The following RXFP1 variants were observed in gnomAD, a reference collection of about 807,000 sequenced individuals.
RXFP1 encodes the protein relaxin family peptide receptor 1, also known as relaxin receptor 1.
In RXFP1, 73 loss-of-function variants were observed where a neutral mutation model predicts 89.8. The observed-to-expected ratio is 0.81, with a 90% CI of 0.67 to 0.99. The LOEUF (loss-of-function observed/expected upper bound fraction) is 0.99, where lower values mean the gene tolerates loss of function less well. RXFP1 is among the 50% of genes least tolerant of loss of function. The probability of loss-of-function intolerance (pLI) is 0.00; values close to 1 mark genes in which losing one functional copy is unlikely to be tolerated. For missense variants in RXFP1, 793 were observed against 895.5 expected (o/e 0.89, Z 1.46); for synonymous variants, 277 against 305.5 (o/e 0.91, Z 0.97).
In RXFP1 at chr4:158,545,830, C is replaced by T. The variant is rs1190844025; in HGVS notation, c.49+23805C>T. Among the ~76,000 whole-genome samples the T allele has an allele frequency of 7.2e-5, 11 of 152,260 alleles. No individual in the cohort carries two copies. The East Asian group carries it at 7.7e-4, about 11-fold the overall frequency. ...CTATATCTCTGTTTTGGTACCAGTG[C>T]CATGCTGTTTTGGTTACTGTAGCCT... On this transcript the variant is annotated intron_variant, in intron 1 of 17. Coordinates refer to ENST00000307765, the MANE Select transcript of RXFP1 (RefSeq NM_021634.4).
At chr4:158,543,277 G>C (rs542406851) in intron 1 of RXFP1, among the ~76,000 whole-genome samples, 1 of 152,296 alleles carries the variant, frequency 6.6e-6, no homozygotes, top group Non-Finnish European at 1.5e-5. Flanking sequence ...TAGATGGAAA[G>C]ATGGCTACTG....
Position 158,651,985 on chromosome 4 carries a change from C to T in RXFP1, c.2204C>T (p.Pro735Leu), listed in dbSNP as rs778516371. The part of the protein sequence containing the change: ...LQEMPPELMK[P>L]DLFTYPCEMS... ...GAGATGCCACCTGAGTTAATGAAGCCGGACCTTTTCACATACCCCTGTGAA... is the reference window on the plus strand; with the variant it reads ...GAGATGCCACCTGAGTTAATGAAGCTGGACCTTTTCACATACCCCTGTGAA... Residue 735 changes from proline to leucine, a missense_variant, in exon 18 of 18, where the codon CCG becomes CTG. Coordinates refer to ENST00000307765, the MANE Select transcript of RXFP1 (RefSeq NM_021634.4). 2.3e-5 allele frequency: 37 copies of T among 1,613,966 alleles called. No homozygotes were observed. Among genetic ancestry groups the T allele is most frequent in the South Asian group, 6.6e-5 (6 of 91,086 alleles).
At chr4:158,621,033 G>A (rs1419370177) in intron 9 of RXFP1, among the ~76,000 whole-genome samples, 1 of 152,144 alleles carries the variant, frequency 6.6e-6, no homozygotes, top group East Asian at 1.9e-4. Flanking sequence ...AGCTACTCGG[G>A]AGGCTGAGGC....
intron 1 of RXFP1, among the ~76,000 whole-genome samples, chr4:158,538,436 A>G (rs1322900789): frequency 6.6e-6 from 1 of 152,204 alleles, no homozygotes; most frequent in Admixed American, 6.5e-5. Context: ...TGGGCTGAGA[A>G]AAGAATTCTT....
intron 1 of RXFP1, among the ~76,000 whole-genome samples, chr4:158,542,110 T>TATATATATATA (rs56793848): frequency 1.8e-3 from 24 of 13,690 alleles, no homozygotes; most frequent in African/African-American, 3.9e-3. Flanking sequence ...TATATATATA[T>TATATATATATA]TTTTTTTTTA....
intron 6 of RXFP1, chr4:158,610,716 G>A (rs1295644851): frequency 1.6e-6 from 2 of 1,289,196 alleles, no homozygotes; most frequent in Non-Finnish European, 2.0e-6. Flanking sequence ...TGGATCAAAT[G>A]TCTTTTACCT....
chr4:158,590,462 T>A (rs1759219356), intron 2 of RXFP1, among the ~76,000 whole-genome samples: 1 of 152,156 alleles, frequency 6.6e-6, no homozygotes, highest in Non-Finnish European at 1.5e-5. Flanking sequence ...GCCCAGCTGT[T>A]TCCTTTCTTT....
At chr4:158,573,190 AGT>A (rs1755489081) in intron 2 of RXFP1, 1 of 187,228 alleles carries the variant, frequency 5.3e-6, no homozygotes, top group Non-Finnish European at 1.1e-5. Context: ...TTGTATTTTT[AGT>A]AAAGACAGGG....
At chr4:158,553,010 C>A (rs1345675767) in intron 1 of RXFP1, among the ~76,000 whole-genome samples, 1 of 152,042 alleles carries the variant, frequency 6.6e-6, no homozygotes, top group Admixed American at 6.6e-5. Flanking sequence ...CATAGCAAGA[C>A]CCTGCCTCTA....
chr4:158,623,502 CAAAAAAA>C (rs56692438), intron 9 of RXFP1, among the ~76,000 whole-genome samples: 12 of 42,604 alleles, frequency 2.8e-4, no homozygotes, highest in African/African-American at 4.2e-4. Context: ...AACTCCATCT[CAAAAAAA>C]AAAAAAAAAA....
intron 2 of RXFP1, among the ~76,000 whole-genome samples, chr4:158,575,535 G>A (rs1017920475): frequency 6.6e-6 from 1 of 152,130 alleles, no homozygotes; most frequent in Non-Finnish European, 1.5e-5. Flanking sequence ...TTTGGGGGAT[G>A]TAATTAGGAA....
intron 15 of RXFP1, chr4:158,646,379 C>T: frequency 1.4e-6 from 1 of 695,418 alleles, no homozygotes; most frequent in Non-Finnish European, 2.2e-6. Context: ...ACACCTTGAG[C>T]TTGTTGCGTT....
At chr4:158,608,121 C>T (rs1359185530) in intron 6 of RXFP1, 78 bp downstream of exon 6, 2 of 951,988 alleles carry the variant, frequency 2.1e-6, no homozygotes, top group East Asian at 2.5e-5. Context: ...GACCAGCCTC[C>T]CTGTCCATGA....
intron 1 of RXFP1, among the ~76,000 whole-genome samples, chr4:158,570,613 A>G (rs895973477): frequency 2.0e-5 from 3 of 151,996 alleles, no homozygotes; most frequent in Non-Finnish European, 2.9e-5. Flanking sequence ...TCATTTGTCT[A>G]TTACCTGGAG....
intron 14 of RXFP1, among the ~76,000 whole-genome samples, chr4:158,641,587 C>T (rs2150241850): frequency 6.6e-6 from 1 of 152,302 alleles, no homozygotes; most frequent in South Asian, 2.1e-4. Flanking sequence ...TCATGGTTTA[C>T]AGAATAAATG....
chr4:158,523,982 C>T (rs952157080), intron 1 of RXFP1, among the ~76,000 whole-genome samples: 19 of 152,186 alleles, frequency 1.2e-4, no homozygotes, highest in African/African-American at 1.9e-4. Flanking sequence ...TAACCTAAGA[C>T]GCTTAGCTGC....
rs1398662644 is a variant in RXFP1, at chr4:158,593,402, A to G, written c.189A>G (p.Gly63=). 23 of 1,598,918 alleles carry G rather than the reference A, an allele frequency of 1.4e-5. No homozygotes were observed. The highest frequency in any genetic ancestry group is 2.0e-5 in the Non-Finnish European group (23 of 1,168,410). Residue 63 remains glycine (G), a splice_region_variant and synonymous_variant, in exon 3 of 18, where the codon GGA becomes GGG. Coordinates refer to ENST00000307765, the MANE Select transcript of RXFP1 (RefSeq NM_021634.4). ...TTTGTTCTCTGATTTTTATTTTAGG[A>G]GACAACAATGGATGGTCTCTGCAAT... ...CGNQADEDNC[G]DNNGWSLQFD...
chr4:158,585,005 T>A (rs565613732), intron 2 of RXFP1, among the ~76,000 whole-genome samples: 12 of 152,344 alleles, frequency 7.9e-5, no homozygotes, highest in African/African-American at 2.4e-4. Flanking sequence ...GCAGAGTTTC[T>A]AATTCGGTGC....
chr4:158,632,330 C>A (rs1298521042), intron 11 of RXFP1, among the ~76,000 whole-genome samples: 1 of 152,098 alleles, frequency 6.6e-6, no homozygotes, highest in Non-Finnish European at 1.5e-5. Context: ...CCTTCGAGGT[C>A]AAAAAATCTA....
Sources: gnomAD v4.1 joint callset for allele counts (sites outside exome capture counted in the v4.1 genomes callset) on GRCh38, gnomAD v4.1.1 for gene constraint, MANE v1.5 for transcripts, NCBI Gene and HGNC (gene_info 2026-07-23, HGNC 2026-07-21) for gene names.